The following PDE1A variants were observed in gnomAD, a reference collection of about 807,000 sequenced individuals.
PDE1A encodes the protein dual specificity calcium/calmodulin-dependent 3',5'-cyclic nucleotide phosphodiesterase 1A.
PDE1A carries 35 observed loss-of-function variants against 61.7 expected under a neutral mutation model. That is an observed-to-expected ratio of 0.57 (90% CI 0.43 to 0.75). The LOEUF (loss-of-function observed/expected upper bound fraction) is 0.75. Among genes scored for constraint, PDE1A ranks in the 30% least tolerant of loss-of-function variants. The pLI is 0.00. For missense variants in PDE1A, 597 were observed against 630.6 expected (o/e 0.95, Z 0.57); for synonymous variants, 232 against 213.2 (o/e 1.09, Z -0.77).
chr2:182,401,937 A>AAAT (rs1702021776), intron 1 of PDE1A, among the ~76,000 whole-genome samples: 2 of 152,190 alleles, frequency 1.3e-5, no homozygotes, highest in Admixed American at 1.3e-4. Flanking sequence ...ACTACAAAGA[A>AAAT]AATAAAATAC....
intron 13 of PDE1A, chr2:182,168,351 TG>T (rs1691799646): frequency 7.0e-7 from 1 of 1,436,062 alleles, no homozygotes; most frequent in Middle Eastern, 1.9e-4. Flanking sequence ...AAAGAAGTTA[TG>T]AAAAAAAGTA....
chr2:182,579,637 T>A, the PDE1A span, among the ~76,000 whole-genome samples: 46 of 152,222 alleles, frequency 3.0e-4, no homozygotes, highest in South Asian at 5.8e-3. Flanking sequence ...ATTGTTGGCA[T>A]AAGTCTGAAA....
At chr2:182,258,174 AAAAAG>A (rs1487258248) in intron 2 of PDE1A, among the ~76,000 whole-genome samples, 21 of 152,152 alleles carry the variant, frequency 1.4e-4, no homozygotes, top group Admixed American at 4.6e-4. Context: ...TCTCGAAAAA[AAAAAG>A]AAAAGAAAAA....
intron 1 of PDE1A, among the ~76,000 whole-genome samples, chr2:182,352,168 T>C (rs1212688451): frequency 6.6e-6 from 1 of 152,204 alleles, no homozygotes; most frequent in Non-Finnish European, 1.5e-5. Context: ...TGAGGTAATG[T>C]TTCCCATTGG....
At chr2:182,367,139 A>C (rs1446860267) in intron 1 of PDE1A, among the ~76,000 whole-genome samples, 2 of 152,058 alleles carry the variant, frequency 1.3e-5, no homozygotes, top group African/African-American at 4.8e-5. Flanking sequence ...AGTTAGAAAA[A>C]AAAACAAGCT....
At chr2:182,341,099 T>C (rs1176344713) in intron 1 of PDE1A, among the ~76,000 whole-genome samples, 1 of 152,234 alleles carries the variant, frequency 6.6e-6, no homozygotes, top group Non-Finnish European at 1.5e-5. Context: ...AAGTTTTCAA[T>C]AGTATGTTAC....
intron 11 of PDE1A, among the ~76,000 whole-genome samples, chr2:182,188,590 A>T (rs1685439317): frequency 6.6e-6 from 1 of 152,196 alleles, no homozygotes; most frequent in Admixed American, 6.5e-5. Flanking sequence ...CTACTATATT[A>T]AGCATACCAT....
intron 2 of PDE1A, among the ~76,000 whole-genome samples, chr2:182,455,938 A>C (rs182347143): frequency 6.7e-6 from 1 of 150,192 alleles, no homozygotes; most frequent in Non-Finnish European, 1.5e-5. Flanking sequence ...AAAAAAAAAC[A>C]GAAGAATTTG....
rs138629601 is a variant in PDE1A at position 182,448,979 on chromosome 2, C to T, written c.101+73297G>A. Among the ~76,000 whole-genome samples the T allele has an allele frequency of 2.7e-4, 41 of 149,586 alleles. No individual in the cohort carries two copies. The East Asian group carries it at 7.3e-3, about 27-fold the overall frequency. The stretch of plus-strand genomic sequence containing the variant: ...ATTCTTCTCTATATTTAAAGATATA[C>T]GTTTAAATTTAAAATAATAAGTATT... On this transcript the variant is annotated intron_variant, in intron 2 of 14. Coordinates refer to the PDE1A transcript ENST00000410103.
the PDE1A span, among the ~76,000 whole-genome samples, chr2:182,658,058 A>AAAAAAAAAAC: frequency 9.2e-6 from 1 of 108,512 alleles, no homozygotes; most frequent in African/African-American, 3.2e-5. Flanking sequence ...AAAAAAAAAA[A>AAAAAAAAAAC]AAAAAAAAAA....
chr2:182,480,667 T>G (rs1374111826), intron 2 of PDE1A, among the ~76,000 whole-genome samples: 1 of 151,918 alleles, frequency 6.6e-6, no homozygotes, highest in Non-Finnish European at 1.5e-5. Flanking sequence ...GGAGAATGGG[T>G]GTAGGTTATA....
intron 1 of PDE1A, among the ~76,000 whole-genome samples, chr2:182,290,179 C>T (rs1694433647): frequency 6.6e-6 from 1 of 152,086 alleles, no homozygotes; most frequent in South Asian, 2.1e-4. Context: ...GACAATTTTA[C>T]ATATTCTATA....
the PDE1A span, among the ~76,000 whole-genome samples, chr2:182,621,490 G>A: frequency 1.3e-5 from 2 of 151,990 alleles, no homozygotes; most frequent in African/African-American, 4.8e-5. Context: ...ACTCTCCTCA[G>A]GAGGAATAAT....
intron 13 of PDE1A, among the ~76,000 whole-genome samples, chr2:182,154,122 G>C (rs901380893): frequency 6.6e-6 from 1 of 151,938 alleles, no homozygotes; most frequent in Non-Finnish European, 1.5e-5. Flanking sequence ...AACTATTCTG[G>C]TTGATTGAGT....
intron 7 of PDE1A, among the ~76,000 whole-genome samples, chr2:182,214,140 C>G (rs1687936499): frequency 6.6e-6 from 1 of 151,210 alleles, no homozygotes; most frequent in Non-Finnish European, 1.5e-5. Context: ...ATTTTCAACC[C>G]AGAATTTCAT....
intron 2 of PDE1A, among the ~76,000 whole-genome samples, chr2:182,511,943 T>C (rs1689824353): frequency 6.6e-6 from 1 of 152,126 alleles, no homozygotes; most frequent in South Asian, 2.1e-4. Context: ...TGTTCACAAA[T>C]GTGTCCTGCA....
At chr2:182,613,406 C>CA in the PDE1A span, among the ~76,000 whole-genome samples, 1 of 151,738 alleles carries the variant, frequency 6.6e-6, no homozygotes, top group African/African-American at 2.4e-5. Context: ...ACTAAAAATA[C>CA]AAAAAAATTA....
intron 1 of PDE1A, among the ~76,000 whole-genome samples, chr2:182,379,733 T>A (rs2125304001): frequency 6.6e-6 from 1 of 152,286 alleles, no homozygotes; most frequent in Middle Eastern, 3.4e-3. Context: ...TTATGAAATA[T>A]TTTTCTTTCC....
chr2:182,565,312 G>C, the PDE1A span, among the ~76,000 whole-genome samples: 1 of 152,170 alleles, frequency 6.6e-6, no homozygotes, highest in Non-Finnish European at 1.5e-5. Context: ...GTTTGCTAGA[G>C]GTCCACTCCA....
Sources: gnomAD v4.1 joint callset for allele counts (sites outside exome capture counted in the v4.1 genomes callset) on GRCh38, gnomAD v4.1.1 for gene constraint, MANE v1.5 for transcripts, NCBI Gene and HGNC (gene_info 2026-07-23, HGNC 2026-07-21) for gene names.